The following SPECC1 variants were observed in gnomAD, a reference collection of about 807,000 sequenced individuals.
The protein encoded by SPECC1 is cytospin-B.
A neutral mutation model predicts 104.1 loss-of-function variants in SPECC1; 62 were observed. That is an observed-to-expected ratio of 0.60 (90% CI 0.49 to 0.74). The LOEUF (loss-of-function observed/expected upper bound fraction) is 0.74, where lower values mean the gene tolerates loss of function less well. Among genes scored for constraint, SPECC1 ranks in the 30% least tolerant of loss-of-function variants. SPECC1 has a pLI of 0.00. For synonymous variants in SPECC1, 513 were observed against 501.6 expected, an observed-to-expected ratio of 1.02 and a Z score of -0.30; for missense variants, 1,306 against 1,310.5, an observed-to-expected ratio of 1.00 and a Z score of 0.05.
intron 1 of SPECC1, among the ~76,000 whole-genome samples, chr17:20,092,508 C>CT (rs1332471579): frequency 6.6e-6 from 1 of 152,142 alleles, no homozygotes; most frequent in African/African-American, 2.4e-5. Context: ...TCCCTCGCTT[C>CT]TTTCTCTCTT....
intron 1 of SPECC1, among the ~76,000 whole-genome samples, chr17:20,022,875 A>G (rs1245661859): frequency 6.6e-6 from 1 of 152,256 alleles, no homozygotes; most frequent in Non-Finnish European, 1.5e-5. Flanking sequence ...TTGAGAACAC[A>G]GTAGTAGCTG....
At chr17:20,268,068 G>T (rs947122807) in intron 12 of SPECC1, among the ~76,000 whole-genome samples, 2 of 152,088 alleles carry the variant, frequency 1.3e-5, no homozygotes, top group Non-Finnish European at 2.9e-5. Flanking sequence ...ATATATACCG[G>T]TATTTACTGT....
intron 9 of SPECC1, among the ~76,000 whole-genome samples, chr17:20,252,204 A>T (rs887141274): frequency 6.6e-6 from 1 of 152,152 alleles, no homozygotes; most frequent in Non-Finnish European, 1.5e-5. Flanking sequence ...TCTATTAACA[A>T]ATTTTTAAGT....
chr17:20,122,310 C>A (rs1325325323), intron 3 of SPECC1, among the ~76,000 whole-genome samples: 5 of 152,138 alleles, frequency 3.3e-5, no homozygotes, highest in Admixed American at 1.3e-4. Flanking sequence ...CTGCTTTGGG[C>A]TGCTTGTTGA....
chr17:20,081,378 G>A (rs746245991), intron 1 of SPECC1, among the ~76,000 whole-genome samples: 9 of 152,064 alleles, frequency 5.9e-5, no homozygotes, highest in African/African-American at 9.7e-5. Context: ...GAATTCCCAC[G>A]ACTCGTTTTG....
At chr17:20,084,581 T>C (rs2047105681) in intron 1 of SPECC1, among the ~76,000 whole-genome samples, 1 of 152,262 alleles carries the variant, frequency 6.6e-6, no homozygotes, top group South Asian at 2.1e-4. Context: ...GACAATGTCT[T>C]TTGAAGACCA....
At chr17:20,124,642 G>A (rs2152540036) in intron 3 of SPECC1, among the ~76,000 whole-genome samples, 1 of 152,228 alleles carries the variant, frequency 6.6e-6, no homozygotes, top group African/African-American at 2.4e-5. Context: ...TACTTCATCG[G>A]TTACTTCCAG....
chr17:20,234,667 C>T (rs1598051527), intron 7 of SPECC1, among the ~76,000 whole-genome samples: 2 of 152,332 alleles, frequency 1.3e-5, no homozygotes, highest in Admixed American at 1.3e-4. Flanking sequence ...TGACGAGGTC[C>T]TCAAGGACAA....
At chr17:20,270,839 A>G (rs566582096) in intron 12 of SPECC1, among the ~76,000 whole-genome samples, 1 of 152,352 alleles carries the variant, frequency 6.6e-6, no homozygotes, top group South Asian at 2.1e-4. Context: ...TATACAGTGT[A>G]CAAGATTATA....
At chr17:20,157,111 C>T (rs1258676850) in intron 3 of SPECC1, among the ~76,000 whole-genome samples, 4 of 152,172 alleles carry the variant, frequency 2.6e-5, no homozygotes, top group South Asian at 2.1e-4. Context: ...GGTGAAGCGA[C>T]TTGTCCGAGT....
At chr17:20,253,041 GT>G (rs374086016) in intron 9 of SPECC1, among the ~76,000 whole-genome samples, 39 of 145,822 alleles carry the variant, frequency 2.7e-4, no homozygotes, top group Non-Finnish European at 2.4e-4. Flanking sequence ...TTCTTTTTCA[GT>G]TTTTTTTTTT....
At chr17:20,137,718 T>G (rs192687799) in intron 3 of SPECC1, among the ~76,000 whole-genome samples, 315 of 152,294 alleles carry the variant, frequency 2.1e-3, no homozygotes, top group Middle Eastern at 6.8e-3. Flanking sequence ...CAGGCTGGAG[T>G]GCAGTGGCAC....
intron 3 of SPECC1, among the ~76,000 whole-genome samples, chr17:20,182,129 T>TTTTTTTG (rs1567910503): frequency 6.6e-6 from 1 of 150,794 alleles, no homozygotes; most frequent in Non-Finnish European, 1.5e-5. Context: ...CTTTTTTTTT[T>TTTTTTTG]GGAGACAGGG....
chr17:20,081,279 T>C (rs539177968), intron 1 of SPECC1, among the ~76,000 whole-genome samples: 1 of 152,262 alleles, frequency 6.6e-6, no homozygotes, highest in South Asian at 2.1e-4. Context: ...TGGTGCCTAC[T>C]GCAGTGCCTA....
chr17:20,156,827 C>G (rs528245910), intron 3 of SPECC1, among the ~76,000 whole-genome samples: 1 of 152,128 alleles, frequency 6.6e-6, no homozygotes, highest in African/African-American at 2.4e-5. Context: ...TCATGTCGGC[C>G]CCCAGCAGAG....
rs1209451323 is a variant in SPECC1, at chr17:20,227,396, C to G, written c.1864-17C>G. 2 of 1,605,330 alleles carry G rather than the reference C, an allele frequency of 1.2e-6. No homozygotes were observed. Among genetic ancestry groups the G allele is most frequent in the African/African-American group, 2.7e-5 (2 of 74,192 alleles). The stretch of plus-strand genomic sequence containing the variant: ...TTTTTGTTGTTAACTGACCAAGGAA[C>G]CTTCCTTTTATTTTAGGTGGAAAAG... On this transcript the variant is annotated splice_polypyrimidine_tract_variant and intron_variant, in intron 4 of 14. Transcript: ENST00000395527.
chr17:20,310,619 A>C (rs183035837), intron 14 of SPECC1, among the ~76,000 whole-genome samples: 2 of 152,284 alleles, frequency 1.3e-5, no homozygotes, highest in East Asian at 3.9e-4. Context: ...CGGCCAAAAC[A>C]TGTGTCCCCA....
chr17:20,245,805 T>C (rs2039397592), intron 7 of SPECC1, 121 bp from the exon 8 acceptor site: 2 of 1,189,530 alleles, frequency 1.7e-6, no homozygotes, highest in South Asian at 1.8e-5. Context: ...GGATGTTAAA[T>C]TCAGAATTTC....
intron 14 of SPECC1, among the ~76,000 whole-genome samples, chr17:20,308,742 G>A (rs961647264): frequency 6.6e-6 from 1 of 152,138 alleles, no homozygotes; most frequent in African/African-American, 2.4e-5. Context: ...ACAAGTCTGG[G>A]AAATTTAAAA....
Sources: allele counts gnomAD v4.1 joint callset (sites outside exome capture counted in the v4.1 genomes callset), GRCh38; gene constraint gnomAD v4.1.1; transcripts MANE v1.5; gene names NCBI Gene and HGNC (gene_info 2026-07-23, HGNC 2026-07-21).